The following TEAD1 variants were observed in gnomAD, a reference collection of about 807,000 sequenced individuals.
TEAD1 encodes transcriptional enhancer factor TEF-1.
In TEAD1, 9 loss-of-function variants were observed where a neutral mutation model predicts 54.9. The observed-to-expected ratio is 0.16, with a 90% CI of 0.10 to 0.29. The LOEUF is 0.29. TEAD1 is among the 10% of genes least tolerant of loss of function. The probability of loss-of-function intolerance (pLI) is 1.00; values close to 1 mark genes in which losing one functional copy is unlikely to be tolerated. For missense variants in TEAD1, 387 were observed against 535.9 expected, an observed-to-expected ratio of 0.72 and a Z score of 2.74; for synonymous variants, 200 against 187.8, an observed-to-expected ratio of 1.07 and a Z score of -0.53.
intron 9 of TEAD1, among the ~76,000 whole-genome samples, chr11:12,895,448 G>A (rs978498769): frequency 6.6e-6 from 1 of 152,140 alleles, no homozygotes; most frequent in Admixed American, 6.6e-5. Context: ...AACCCTACCT[G>A]CAGACAAGCG....
At chr11:12,716,095 G>T (rs866617017) in intron 2 of TEAD1, among the ~76,000 whole-genome samples, 2 of 151,908 alleles carry the variant, frequency 1.3e-5, no homozygotes, top group African/African-American at 4.8e-5. Context: ...GGTGACTTAG[G>T]ATGGGCTTCC....
chr11:12,729,307 G>A (rs544984581), intron 2 of TEAD1, among the ~76,000 whole-genome samples: 1 of 152,306 alleles, frequency 6.6e-6, no homozygotes, highest in South Asian at 2.1e-4. Context: ...GCATCACCTT[G>A]TTAGTGTTTC....
At chr11:12,794,251 T>G (rs1297945123) in intron 3 of TEAD1, among the ~76,000 whole-genome samples, 1 of 152,238 alleles carries the variant, frequency 6.6e-6, no homozygotes, top group Admixed American at 6.5e-5. Context: ...TGTTCATTAA[T>G]TATTTTTTCT....
intron 2 of TEAD1, among the ~76,000 whole-genome samples, chr11:12,706,908 G>A (rs564600226): frequency 6.6e-6 from 1 of 152,194 alleles, no homozygotes; most frequent in South Asian, 2.1e-4. Flanking sequence ...ACACTGAAGA[G>A]AAAACCAAGC....
chr11:12,907,991 G>A (rs1309435190), intron 10 of TEAD1, among the ~76,000 whole-genome samples: 2 of 152,180 alleles, frequency 1.3e-5, no homozygotes, highest in Admixed American at 1.3e-4. Context: ...ATTATGAGAT[G>A]CTCTGGTGTG....
intron 2 of TEAD1, among the ~76,000 whole-genome samples, chr11:12,744,395 T>TTA (rs1386576326): frequency 6.6e-6 from 1 of 152,168 alleles, no homozygotes; most frequent in Non-Finnish European, 1.5e-5. Context: ...AGCTAAATAA[T>TTA]AGCATATCCA....
intron 2 of TEAD1, among the ~76,000 whole-genome samples, chr11:12,679,846 G>A (rs1439851340): frequency 1.3e-5 from 2 of 152,076 alleles, no homozygotes; most frequent in Non-Finnish European, 2.9e-5. Flanking sequence ...AATGAAATGA[G>A]TGCCTTTCTG....
chr11:12,780,608 C>T (rs947467115), intron 3 of TEAD1, among the ~76,000 whole-genome samples: 1 of 152,002 alleles, frequency 6.6e-6, no homozygotes, highest in Non-Finnish European at 1.5e-5. Context: ...TTTTATTCAT[C>T]ATAGTGTGAA....
intron 2 of TEAD1, among the ~76,000 whole-genome samples, chr11:12,711,787 G>T (rs1472215223): frequency 3.3e-5 from 5 of 152,206 alleles, no homozygotes; most frequent in African/African-American, 7.2e-5. Flanking sequence ...AGATAGCAAG[G>T]TAACAAGTTA....
intron 12 of TEAD1, among the ~76,000 whole-genome samples, chr11:12,931,157 C>G (rs1444580980): frequency 1.3e-5 from 2 of 152,190 alleles, no homozygotes; most frequent in Non-Finnish European, 2.9e-5. Flanking sequence ...AAATAGTGTT[C>G]AAGGTCCATG....
At chr11:12,907,410 T>A (rs1948539872) in intron 10 of TEAD1, among the ~76,000 whole-genome samples, 1 of 152,236 alleles carries the variant, frequency 6.6e-6, no homozygotes, top group Non-Finnish European at 1.5e-5. Context: ...TGGGATTCTT[T>A]TTACTGAGTG....
chr11:12,715,121 C>T (rs766841158), intron 2 of TEAD1, among the ~76,000 whole-genome samples: 1 of 152,044 alleles, frequency 6.6e-6, no homozygotes, highest in Admixed American at 6.6e-5. Context: ...ACCATGGGGT[C>T]GGGGAGTTTA....
At position 12,908,883 on chromosome 11, in the gene TEAD1, G is replaced by GTTTTTTTTTTTTTTTTTTTTTT. The variant is rs60042137; in HGVS notation, c.873+6783_873+6784insTTTTTTTTTTTTTTTTTTTTTT. On this transcript the variant is annotated intron_variant, in intron 10 of 12. Coordinates refer to ENST00000527636, the MANE Select transcript of TEAD1 (RefSeq NM_021961.6). Reference sequence around the variant, plus strand: ...TATGTCAGTATACTTCAAATTATCTGTTTTTTTTTTTTTGAGACAGTGTTG... The same window carrying GTTTTTTTTTTTTTTTTTTTTTT: ...TATGTCAGTATACTTCAAATTATCTGTTTTTTTTTTTTTTTTTTTTTTTTTTTTTTTTTTTGAGACAGTGTTG... Among the ~76,000 whole-genome samples, 6 of 99,656 alleles carry GTTTTTTTTTTTTTTTTTTTTTT rather than the reference G, an allele frequency of 6.0e-5. 1 individual carries two copies. Among genetic ancestry groups the GTTTTTTTTTTTTTTTTTTTTTT allele is most frequent in the African/African-American group, 1.9e-4 (6 of 31,342 alleles). The allele number at this position is 99,656 out of a possible 152,430, so 65.4% of individuals were successfully genotyped here. A position where few individuals can be genotyped will look rare whatever the true frequency, so the allele number is the denominator to read the frequency against.
chr11:12,782,111 C>G (rs547922765), intron 3 of TEAD1, among the ~76,000 whole-genome samples: 3 of 152,042 alleles, frequency 2.0e-5, no homozygotes, highest in Non-Finnish European at 2.9e-5. Context: ...GATCTCCCCA[C>G]GGCACTCCAG....
intron 5 of TEAD1, among the ~76,000 whole-genome samples, chr11:12,871,031 C>T (rs1947735520): frequency 6.6e-6 from 1 of 152,168 alleles, no homozygotes; most frequent in Admixed American, 6.5e-5. Flanking sequence ...CCCTTTTGAC[C>T]CACTGCTCTC....
intron 2 of TEAD1, among the ~76,000 whole-genome samples, chr11:12,739,791 GCTAGTT>G (rs1554927284): frequency 6.6e-6 from 1 of 152,172 alleles, no homozygotes; most frequent in Non-Finnish European, 1.5e-5. Context: ...CAGACATCGG[GCTAGTT>G]GCTGCAAATA....
chr11:12,755,715 T>A (rs140402636), intron 2 of TEAD1, among the ~76,000 whole-genome samples: 76 of 152,358 alleles, frequency 5.0e-4, no homozygotes, highest in African/African-American at 1.8e-3. Context: ...TGACTTGGGC[T>A]ACGAGTCATG....
intron 2 of TEAD1, among the ~76,000 whole-genome samples, chr11:12,754,741 C>G (rs767964115): frequency 6.6e-6 from 1 of 152,108 alleles, no homozygotes; most frequent in Non-Finnish European, 1.5e-5. Flanking sequence ...GCTTGGCCTT[C>G]GCAGTTTAGC....
At chr11:12,705,685 A>G (rs911821991) in intron 2 of TEAD1, among the ~76,000 whole-genome samples, 1 of 152,218 alleles carries the variant, frequency 6.6e-6, no homozygotes, top group South Asian at 2.1e-4. Flanking sequence ...TGCATATACA[A>G]ACTTTGCTTT....
Sources: gnomAD v4.1 joint callset for allele counts (sites outside exome capture counted in the v4.1 genomes callset) on GRCh38, gnomAD v4.1.1 for gene constraint, MANE v1.5 for transcripts, NCBI Gene and HGNC (gene_info 2026-07-23, HGNC 2026-07-21) for gene names.